ZMIZ1: variants seen among roughly 807,000 people sequenced by gnomAD.
The protein encoded by ZMIZ1 is zinc finger MIZ domain-containing protein 1.
ZMIZ1 carries 17 observed loss-of-function variants against 113.9 expected under a neutral mutation model. The ratio of observed to expected loss-of-function variants is 0.15; its 90% CI spans 0.10 to 0.22. ZMIZ1 has a LOEUF of 0.22. Ranked by LOEUF, ZMIZ1 falls within the 10% of genes least tolerant of loss-of-function variation. The pLI, the probability that ZMIZ1 is intolerant of heterozygous loss-of-function variation, is 1.00. For missense variants in ZMIZ1, 1,059 were observed against 1,477.8 expected, an observed-to-expected ratio of 0.72 and a Z score of 4.65; for synonymous variants, 607 against 603.1, an observed-to-expected ratio of 1.01 and a Z score of -0.09.
chr10:79,308,858 G>A (rs867729604), intron 23 of ZMIZ1, among the ~76,000 whole-genome samples: 19 of 152,186 alleles, frequency 1.2e-4, no homozygotes, highest in Middle Eastern at 3.4e-3. Flanking sequence ...TGCTGATGCC[G>A]TCTATTTCCC....
intron 1 of ZMIZ1, among the ~76,000 whole-genome samples, chr10:79,113,448 C>G (rs1843837857): frequency 6.6e-6 from 1 of 152,196 alleles, no homozygotes; most frequent in Admixed American, 6.5e-5. Context: ...CCCGTCCACA[C>G]CTGGAGGGTC....
intron 7 of ZMIZ1, among the ~76,000 whole-genome samples, chr10:79,258,147 T>C (rs1851037687): frequency 6.6e-6 from 1 of 152,270 alleles, no homozygotes; most frequent in Non-Finnish European, 1.5e-5. Context: ...TTTGGGAGGC[T>C]GAGACAGGAG....
intron 4 of ZMIZ1, among the ~76,000 whole-genome samples, chr10:79,162,921 AAGGTCGGGGCCAGCAGGTCCTG>A (rs1295406527): frequency 1.3e-5 from 2 of 152,084 alleles, no homozygotes; most frequent in East Asian, 3.9e-4. Context: ...AGCAGGTCCT[AAGGTCGGGGCCAGCAGGTCCTG>A]AGGTCAAGCC....
intron 17 of ZMIZ1, among the ~76,000 whole-genome samples, chr10:79,301,703 C>A (rs1216104066): frequency 6.6e-6 from 1 of 152,138 alleles, no homozygotes; most frequent in African/African-American, 2.4e-5. Context: ...GCACAACTGT[C>A]AGAGTGAGGC....
intron 7 of ZMIZ1, among the ~76,000 whole-genome samples, chr10:79,246,560 G>A (rs1850211618): frequency 6.6e-6 from 1 of 152,150 alleles, no homozygotes; most frequent in Middle Eastern, 3.2e-3. Context: ...AGGGGTACAG[G>A]CCCGAACCCA....
At chr10:79,133,516 A>G (rs538990730) in intron 2 of ZMIZ1, among the ~76,000 whole-genome samples, 1 of 152,322 alleles carries the variant, frequency 6.6e-6, no homozygotes, top group Admixed American at 6.5e-5. Flanking sequence ...GAAGAGAAAG[A>G]GACAGACAAG....
intron 7 of ZMIZ1, among the ~76,000 whole-genome samples, chr10:79,256,145 G>A (rs1850888095): frequency 2.6e-5 from 4 of 152,282 alleles, no homozygotes; most frequent in South Asian, 2.1e-4. Context: ...CTCCCTGCCC[G>A]TCTTGGCACA....
chr10:79,242,711 C>T (rs532227259), intron 7 of ZMIZ1, among the ~76,000 whole-genome samples: 2 of 152,026 alleles, frequency 1.3e-5, no homozygotes, highest in Non-Finnish European at 2.9e-5. Context: ...CGGCGGCCTC[C>T]TCGGGCGACA....
chr10:79,252,234 G>A (rs1850596163), intron 7 of ZMIZ1, among the ~76,000 whole-genome samples: 1 of 152,102 alleles, frequency 6.6e-6, no homozygotes, highest in Admixed American at 6.5e-5. Context: ...CTAGAATTAA[G>A]CCTTCCCAGC....
At chr10:79,282,663 C>T (rs1202430618) in intron 8 of ZMIZ1, among the ~76,000 whole-genome samples, 1 of 152,238 alleles carries the variant, frequency 6.6e-6, no homozygotes, top group Non-Finnish European at 1.5e-5. Flanking sequence ...TCGTGGTTCC[C>T]TGCTGATGGG....
At chr10:79,083,725 C>T (rs1006261350) in intron 1 of ZMIZ1, among the ~76,000 whole-genome samples, 2 of 152,114 alleles carry the variant, frequency 1.3e-5, no homozygotes, top group South Asian at 2.1e-4. Flanking sequence ...GAAACAAGGT[C>T]GGATCCTGAA....
At chr10:79,226,481 TTGCCCTGAGGA>T (rs1224461711) in intron 7 of ZMIZ1, among the ~76,000 whole-genome samples, 1 of 152,218 alleles carries the variant, frequency 6.6e-6, no homozygotes, top group African/African-American at 2.4e-5. Context: ...CTGCCCCAGG[TTGCCCTGAGGA>T]TGCCATGGCT....
chr10:79,301,619 C>T (rs1854304332), intron 17 of ZMIZ1, among the ~76,000 whole-genome samples: 1 of 152,176 alleles, frequency 6.6e-6, no homozygotes, highest in South Asian at 2.1e-4. Flanking sequence ...ACGGAGGCTA[C>T]ACAGAGATAG....
chr10:79,107,296 C>T (rs1055296784), intron 1 of ZMIZ1, among the ~76,000 whole-genome samples: 7 of 152,258 alleles, frequency 4.6e-5, no homozygotes, highest in African/African-American at 1.7e-4. Flanking sequence ...AGGAGTCAAA[C>T]AGCATGCTTT....
intron 2 of ZMIZ1, among the ~76,000 whole-genome samples, chr10:79,138,630 A>C (rs372487383): frequency 2.0e-5 from 3 of 152,178 alleles, no homozygotes; most frequent in African/African-American, 7.2e-5. Context: ...TACAATGACC[A>C]GTTCTTGGGC....
At chr10:79,282,576 C>T (rs1051354387) in intron 8 of ZMIZ1, among the ~76,000 whole-genome samples, 3 of 152,208 alleles carry the variant, frequency 2.0e-5, no homozygotes, top group Non-Finnish European at 4.4e-5. Context: ...GGCACTGCGG[C>T]ATGAGGCTGT....
rs748028128 is a variant in ZMIZ1, at chr10:79,118,238, G to A, written c.-336-677G>A. 6.6e-6 allele frequency among the ~76,000 whole-genome samples: 1 copy of A among 152,166 alleles called. No individual in the cohort carries two copies. Among genetic ancestry groups the A allele is most frequent in the Non-Finnish European group, 1.5e-5 (1 of 68,024 alleles). On this transcript the variant is annotated intron_variant, in intron 1 of 24. Coordinates refer to ENST00000334512, the MANE Select transcript of ZMIZ1 (RefSeq NM_020338.4). The surrounding 1 kb of genome is among the most constrained non-coding windows in gnomAD (Gnocchi z 4.1). ...TCGAATAGAGGAAGGGATGGGGGGA[G>A]GCCTCCTGACTTCAGTCAGCCCATG...
chr10:79,213,140 GA>G (rs914639498), intron 6 of ZMIZ1, among the ~76,000 whole-genome samples: 3 of 152,204 alleles, frequency 2.0e-5, no homozygotes, highest in African/African-American at 7.2e-5. Flanking sequence ...CCTTTATGGG[GA>G]GGGGGCCTTG....
chr10:79,196,620 G>A (rs1350399519), intron 4 of ZMIZ1, among the ~76,000 whole-genome samples: 5 of 152,208 alleles, frequency 3.3e-5, no homozygotes, highest in Admixed American at 1.3e-4. Flanking sequence ...CTCCCAGTTT[G>A]CTGTTAACTT....
Sources: gnomAD v4.1 joint callset for allele counts (sites outside exome capture counted in the v4.1 genomes callset) on GRCh38, gnomAD v4.1.1 for gene constraint, Gnocchi (gnomAD v3.1) non-coding constraint, MANE v1.5 for transcripts, NCBI Gene and HGNC (gene_info 2026-07-23, HGNC 2026-07-21) for gene names.